The following CADM1 variants were observed in gnomAD, a reference collection of about 807,000 sequenced individuals.
CADM1 encodes the protein TSLC-1.
A neutral mutation model predicts 53.1 loss-of-function variants in CADM1; 15 were observed. The ratio of observed to expected loss-of-function variants is 0.28; its 90% CI spans 0.19 to 0.44. CADM1 has a LOEUF of 0.44. CADM1 is among the 20% of genes least tolerant of loss of function. CADM1 has a pLI of 1.00. For synonymous variants in CADM1, 281 were observed against 243.0 expected (o/e 1.16, Z -1.45); for missense variants, 434 against 611.3 (o/e 0.71, Z 3.06).
intron 5 of CADM1, among the ~76,000 whole-genome samples, chr11:115,225,082 CTG>C (rs1046133722): frequency 5.3e-5 from 8 of 152,174 alleles, no homozygotes; most frequent in Non-Finnish European, 1.0e-4. Flanking sequence ...AAACATTTAA[CTG>C]TGTGCTGCTG....
intron 1 of CADM1, among the ~76,000 whole-genome samples, chr11:115,325,830 T>A (rs943103125): frequency 5.9e-5 from 9 of 152,330 alleles, no homozygotes; most frequent in Admixed American, 2.6e-4. Context: ...AAACCTCTTT[T>A]TAATTGTATT....
intron 1 of CADM1, among the ~76,000 whole-genome samples, chr11:115,325,582 G>C (rs12270307): frequency 6.6e-6 from 1 of 151,930 alleles, no homozygotes; most frequent in Non-Finnish European, 1.5e-5. Context: ...ACTTCTACTC[G>C]GCACAATTAC....
chr11:115,230,045 T>C (rs1941759871), intron 4 of CADM1, among the ~76,000 whole-genome samples: 1 of 152,196 alleles, frequency 6.6e-6, no homozygotes, highest in Non-Finnish European at 1.5e-5. Flanking sequence ...ACCATTAACT[T>C]TCTTTTAATG....
At chr11:115,308,536 A>G (rs1944448488) in intron 1 of CADM1, among the ~76,000 whole-genome samples, 1 of 152,036 alleles carries the variant, frequency 6.6e-6, no homozygotes, top group Non-Finnish European at 1.5e-5. Context: ...GATCTGTGAT[A>G]TGGCACGTCT....
chr11:115,258,654 C>T (rs1451898309), intron 1 of CADM1, among the ~76,000 whole-genome samples: 1 of 152,210 alleles, frequency 6.6e-6, no homozygotes, highest in Non-Finnish European at 1.5e-5. Context: ...AACCAAGAAG[C>T]TAAAACTCTA....
chr11:115,258,583 G>C (rs549281286), intron 1 of CADM1, among the ~76,000 whole-genome samples: 10 of 152,184 alleles, frequency 6.6e-5, no homozygotes, highest in Admixed American at 2.0e-4. Context: ...CTATAGCTTA[G>C]AGCCAGGCCC....
Position 115,503,263 on chromosome 11 carries a change from C to G in CADM1, c.124+1008G>C, listed in dbSNP as rs1328534605. On this transcript the variant is annotated intron_variant, in intron 1 of 11. Transcript: ENST00000331581. Reference sequence around the variant, plus strand: ...TTCCCGACCGCGCCAACGCGCCCGGCACACGGGCAGCCACACATCGGGCTC... The same window carrying G: ...TTCCCGACCGCGCCAACGCGCCCGGGACACGGGCAGCCACACATCGGGCTC... 2.0e-5 allele frequency among the ~76,000 whole-genome samples: 3 copies of G among 152,224 alleles called. No individual in the cohort carries two copies. The East Asian group carries it at 5.8e-4, about 29-fold the overall frequency.
chr11:115,176,232 TGGTA>T lies in CADM1; in HGVS notation c.*238_*241del. 2 of 1,260,008 alleles carry T rather than the reference TGGTA, an allele frequency of 1.6e-6. No homozygotes were observed. Among genetic ancestry groups the T allele is most frequent in the Non-Finnish European group, 2.0e-6 (2 of 989,514 alleles). The allele number at this position is 1,260,008 out of a possible 1,614,324, so 78.1% of individuals were successfully genotyped here. Reference sequence around the variant, plus strand: ...TAAATCCAAGTATCCAAGTTTGACTTGGTAGGAAGAAATAAAAATTAAACAAACA... The same window carrying T: ...TAAATCCAAGTATCCAAGTTTGACTTGGAAGAAATAAAAATTAAACAAACA... On this transcript the variant is annotated 3_prime_UTR_variant, in exon 12 of 12. Transcript: ENST00000331581.
Position 115,175,178 on chromosome 11 carries a change from A to G in CADM1, c.*1296T>C, listed in dbSNP as rs191798331. 5.3e-5 allele frequency: 52 copies of G among 985,778 alleles called. No homozygotes were observed. The African/African-American group carries it at 8.7e-4, about 17-fold the overall frequency. 61.1% of individuals were successfully genotyped at this position (985,778 alleles called of 1,614,324 possible). A position where few individuals can be genotyped will look rare whatever the true frequency, so the allele number is the denominator to read the frequency against. On this transcript the variant is annotated 3_prime_UTR_variant, in exon 12 of 12. Transcript: ENST00000331581. Reference sequence around the variant, plus strand: ...TGTTTTTCCACCTCTGCTCTGACCTATCGAGAACTGAGAGCGACAGCAGAC... The same window carrying G: ...TGTTTTTCCACCTCTGCTCTGACCTGTCGAGAACTGAGAGCGACAGCAGAC...
intron 1 of CADM1, among the ~76,000 whole-genome samples, chr11:115,492,932 TACACACACACACACAC>T (rs57800253): frequency 1.3e-4 from 19 of 146,754 alleles, no homozygotes; most frequent in African/African-American, 4.3e-4. Context: ...GGATATTTTA[TACACACACACACACAC>T]ACACACACAC....
chr11:115,420,344 A>G (rs1947722244), intron 1 of CADM1, among the ~76,000 whole-genome samples: 1 of 152,200 alleles, frequency 6.6e-6, no homozygotes, highest in Non-Finnish European at 1.5e-5. Flanking sequence ...TCAGCTGGTT[A>G]AAAGCTGTCA....
At position 115,295,518 on chromosome 11, in the gene CADM1, A is replaced by T. The variant is rs1206890099; in HGVS notation, c.125-55098T>A. On this transcript the variant is annotated intron_variant, in intron 1 of 11. Coordinates refer to ENST00000331581, the MANE Select transcript of CADM1 (RefSeq NM_001301043.2). The stretch of plus-strand genomic sequence containing the variant: ...TGATCAAGATATTTTATATATATAT[A>T]TATATATATATATATATATATATAT... Among the ~76,000 whole-genome samples, 21 of 65,534 alleles carry T rather than the reference A, an allele frequency of 3.2e-4. 2 individuals are homozygous for T. In the East Asian group the frequency reaches 0.02, roughly 62 times the overall value. The allele number at this position is 65,534 out of a possible 152,430, so 43.0% of individuals were successfully genotyped here. A position where few individuals can be genotyped will look rare whatever the true frequency, so the allele number is the denominator to read the frequency against.
chr11:115,425,483 T>C (rs1257478478), intron 1 of CADM1, among the ~76,000 whole-genome samples: 2 of 152,244 alleles, frequency 1.3e-5, no homozygotes, highest in African/African-American at 4.8e-5. Flanking sequence ...TTTCCACTTG[T>C]TGCTAGGTAA....
chr11:115,433,926 T>C (rs1449181679), intron 1 of CADM1, among the ~76,000 whole-genome samples: 2 of 152,220 alleles, frequency 1.3e-5, no homozygotes, highest in Non-Finnish European at 2.9e-5. Context: ...TAGGATTACA[T>C]TTTAGATTGA....
At chr11:115,382,493 G>C (rs1047888951) in intron 1 of CADM1, among the ~76,000 whole-genome samples, 2 of 152,078 alleles carry the variant, frequency 1.3e-5, no homozygotes, top group Admixed American at 6.6e-5. Context: ...AGTGCTAAAA[G>C]TCCCTCTCTT....
At chr11:115,388,197 C>T (rs547068611) in intron 1 of CADM1, among the ~76,000 whole-genome samples, 1 of 152,206 alleles carries the variant, frequency 6.6e-6, no homozygotes, top group East Asian at 1.9e-4. Context: ...GACTGACAGA[C>T]AGGCAGACAG....
intron 1 of CADM1, among the ~76,000 whole-genome samples, chr11:115,340,652 A>ATG (rs1310417030): frequency 7.3e-5 from 3 of 40,848 alleles, no homozygotes; most frequent in Non-Finnish European, 1.4e-4. Flanking sequence ...ATATATATAT[A>ATG]TATATATTTT....
intron 1 of CADM1, among the ~76,000 whole-genome samples, chr11:115,403,306 AAC>A (rs1947211182): frequency 6.6e-6 from 1 of 152,354 alleles, no homozygotes; most frequent in East Asian, 1.9e-4. Flanking sequence ...GGAACTGAAA[AAC>A]AGTCACAGAT....
At chr11:115,189,086 G>A (rs897584134) in intron 10 of CADM1, among the ~76,000 whole-genome samples, 7 of 152,152 alleles carry the variant, frequency 4.6e-5, no homozygotes, top group African/African-American at 9.7e-5. Context: ...CATGACTTAC[G>A]GCTCCTGAGC....
Sources: gnomAD v4.1 joint callset for allele counts (sites outside exome capture counted in the v4.1 genomes callset) on GRCh38, gnomAD v4.1.1 for gene constraint, MANE v1.5 for transcripts, NCBI Gene and HGNC (gene_info 2026-07-23, HGNC 2026-07-21) for gene names.